The following CFAP70 variants were observed in gnomAD, a reference collection of about 807,000 sequenced individuals.
CFAP70 encodes the protein cilia and flagella associated protein 70.
Under a neutral mutation model 137.6 loss-of-function variants are expected in CFAP70, and 81 were observed. That is an observed-to-expected ratio of 0.59 (90% CI 0.49 to 0.71). The LOEUF (loss-of-function observed/expected upper bound fraction) is 0.71. Ranked by LOEUF, CFAP70 falls within the 30% of genes least tolerant of loss-of-function variation. CFAP70 has a pLI of 0.00. For synonymous variants in CFAP70, 382 were observed against 423.6 expected (o/e 0.90, Z 1.20); for missense variants, 976 against 1,226.7 (o/e 0.80, Z 3.05).
At chr10:73,294,105 T>C (rs572800542) in intron 15 of CFAP70, 4 of 152,328 alleles carry the variant, frequency 2.6e-5, no homozygotes, top group African/African-American at 7.2e-5. Flanking sequence ...AAATTTGAGA[T>C]AGGCCAAAGA....
chr10:73,303,273 A>G (rs921036739), intron 12 of CFAP70, among the ~76,000 whole-genome samples: 1 of 152,110 alleles, frequency 6.6e-6, no homozygotes, highest in Admixed American at 6.5e-5. Context: ...GCTGGAGTGC[A>G]GTGGCACAAC....
At chr10:73,316,475 T>TATATAG (rs1301680639) in intron 9 of CFAP70, among the ~76,000 whole-genome samples, 31 of 116,338 alleles carry the variant, frequency 2.7e-4, no homozygotes, top group African/African-American at 4.4e-4. Flanking sequence ...TATATATATA[T>TATATAG]ATATAGATAT....
At chr10:73,321,901 A>G (rs1268446540) in intron 9 of CFAP70, among the ~76,000 whole-genome samples, 1 of 152,088 alleles carries the variant, frequency 6.6e-6, no homozygotes, top group Non-Finnish European at 1.5e-5. Flanking sequence ...CTCTTGCCTC[A>G]GCCTCCTGAG....
chr10:73,327,291 T>G (rs1333959285), intron 8 of CFAP70, among the ~76,000 whole-genome samples: 1 of 150,888 alleles, frequency 6.6e-6, no homozygotes, highest in Non-Finnish European at 1.5e-5. Flanking sequence ...TCAACAACCC[T>G]TCATGCTAAA....
At chr10:73,266,700 TAATAG>T (rs2045810775) in intron 25 of CFAP70, among the ~76,000 whole-genome samples, 1 of 152,152 alleles carries the variant, frequency 6.6e-6, no homozygotes, top group African/African-American at 2.4e-5. Context: ...TTAAAATAAT[TAATAG>T]AATAAGAATA....
At chr10:73,334,778 C>T (rs938875505) in intron 7 of CFAP70, among the ~76,000 whole-genome samples, 1 of 151,774 alleles carries the variant, frequency 6.6e-6, no homozygotes, top group African/African-American at 2.4e-5. Context: ...CGGGGTTTCA[C>T]CATGTTGGCC....
chr10:73,325,391 T>C (rs1297873020), intron 8 of CFAP70, among the ~76,000 whole-genome samples: 1 of 152,122 alleles, frequency 6.6e-6, no homozygotes, highest in Non-Finnish European at 1.5e-5. Flanking sequence ...CATGCCAAAT[T>C]GTAAAGACCA....
chr10:73,330,095 C>T (rs778550344), intron 8 of CFAP70, among the ~76,000 whole-genome samples: 15 of 151,896 alleles, frequency 9.9e-5, no homozygotes, highest in Non-Finnish European at 1.9e-4. Flanking sequence ...AATTTAATTC[C>T]AAGCATAAAA....
At chr10:73,286,363 G>T (rs1485815858) in intron 19 of CFAP70, among the ~76,000 whole-genome samples, 5 of 152,084 alleles carry the variant, frequency 3.3e-5, no homozygotes. Flanking sequence ...AGAATGGCGT[G>T]AACCCGGGAG....
In CFAP70 at chr10:73,339,250, C is replaced by G. The variant is rs183218808; in HGVS notation, c.582+2149G>C. Among the ~76,000 whole-genome samples, 343 of 152,220 alleles carry G rather than the reference C, an allele frequency of 2.3e-3. 3 individuals carry two copies. Among genetic ancestry groups the G allele is most frequent in the South Asian group, 0.014 (68 of 4,812 alleles). ...CTACACTGATTTTTTATTTGGTGAG[C>G]CAGTCCTTCTGAAGTCTGACTCCCT... is the stretch of plus-strand genomic sequence containing the variant. On this transcript the variant is annotated intron_variant, in intron 6 of 26. Transcript: ENST00000310715.
chr10:73,354,880 G>T, intron 1 of CFAP70, 45 bp from the exon 2 acceptor site: 2 of 1,136,572 alleles, frequency 1.8e-6, no homozygotes, highest in South Asian at 1.3e-5. Flanking sequence ...TACCACAGCT[G>T]CACAAGTACC....
intron 12 of CFAP70, among the ~76,000 whole-genome samples, chr10:73,309,844 A>G (rs560921312): frequency 1.3e-5 from 2 of 151,846 alleles, no homozygotes; most frequent in South Asian, 4.2e-4. Context: ...TTTAGTAGAG[A>G]CGGGGTTTCA....
chr10:73,331,249 C>A (rs1347564923), exon 8 of CFAP70: 2 of 1,613,516 alleles, frequency 1.2e-6, no homozygotes, highest in Admixed American at 1.7e-5. Context: ...CAGGCCAAAG[C>A]CGGCAATCGG....
At chr10:73,306,913 C>T (rs983953923) in intron 12 of CFAP70, among the ~76,000 whole-genome samples, 2 of 152,028 alleles carry the variant, frequency 1.3e-5, no homozygotes, top group African/African-American at 4.8e-5. Context: ...GAATAAAGAA[C>T]ACTAGTAAAG....
At chr10:73,320,635 C>T (rs1382539539) in intron 9 of CFAP70, among the ~76,000 whole-genome samples, 1 of 151,830 alleles carries the variant, frequency 6.6e-6, no homozygotes, top group Admixed American at 6.6e-5. Flanking sequence ...AGCCTTCTTT[C>T]CCATTTAACT....
At position 73,254,310 on chromosome 10, in the gene CFAP70, A is replaced by C. The variant is rs992532386; in HGVS notation, c.3076-255T>G. 1.3e-5 allele frequency: 4 copies of C among 301,654 alleles called. No homozygotes were observed. In the Admixed American group the frequency reaches 1.5e-4, roughly 11 times the overall value. The allele number at this position is 301,654 out of a possible 1,614,324, so 18.7% of individuals were successfully genotyped here. A position where few individuals can be genotyped will look rare whatever the true frequency, so the allele number is the denominator to read the frequency against. The stretch of plus-strand genomic sequence containing the variant: ...GTCATGATTTGTACATTTTTTTGTA[A>C]GATAACTTCATTAAAATTTACTTTT... On this transcript the variant is annotated intron_variant, in intron 26 of 26. Coordinates refer to ENST00000310715, the Ensembl canonical transcript of CFAP70.
intron 25 of CFAP70, 105 bp from the exon 27 acceptor site, chr10:73,256,521 G>A: frequency 1.8e-6 from 2 of 1,097,046 alleles, no homozygotes; most frequent in Non-Finnish European, 2.7e-6. Context: ...TAAGGCAGAG[G>A]CTTCTACACC....
intron 9 of CFAP70, among the ~76,000 whole-genome samples, chr10:73,319,608 G>A (rs901732070): frequency 1.3e-5 from 2 of 152,162 alleles, no homozygotes; most frequent in Middle Eastern, 3.2e-3. Context: ...CAAGCCATCA[G>A]GGAGGTCAGG....
intron 4 of CFAP70, among the ~76,000 whole-genome samples, 156 bp from the exon 6 acceptor site, chr10:73,345,400 T>G (rs2053621503): frequency 1.3e-5 from 2 of 152,162 alleles, no homozygotes; most frequent in African/African-American, 2.4e-5. Flanking sequence ...TCCCATGAGT[T>G]GGAGATAGAG....
Sources: allele counts gnomAD v4.1 joint callset (sites outside exome capture counted in the v4.1 genomes callset), GRCh38; gene constraint gnomAD v4.1.1; transcripts MANE v1.5; gene names NCBI Gene and HGNC (gene_info 2026-07-23, HGNC 2026-07-21).